The following TRHDE variants were observed in gnomAD, a reference collection of about 807,000 sequenced individuals.
The protein encoded by TRHDE is thyrotropin releasing hormone degrading enzyme, also known as thyrotropin-releasing hormone-degrading ectoenzyme.
In TRHDE, 72 loss-of-function variants were observed where a neutral mutation model predicts 125.7. The observed-to-expected ratio is 0.57, with a 90% CI of 0.47 to 0.70. The LOEUF (loss-of-function observed/expected upper bound fraction) is 0.70, where lower values mean the gene tolerates loss of function less well. Among genes scored for constraint, TRHDE ranks in the 30% least tolerant of loss-of-function variants. The pLI, the probability that TRHDE is intolerant of heterozygous loss-of-function variation, is 0.00. For synonymous variants in TRHDE, 509 were observed against 509.1 expected (o/e 1.00, Z 0.00); for missense variants, 1,110 against 1,327.1 (o/e 0.84, Z 2.54).
chr12:72,247,888 T>A (rs1878602897), intron 2 of TRHDE, among the ~76,000 whole-genome samples: 1 of 152,174 alleles, frequency 6.6e-6, no homozygotes, highest in Non-Finnish European at 1.5e-5. Flanking sequence ...TATGTATCTA[T>A]GTATTTATGT....
chr12:72,318,528 T>G (rs12811298), intron 2 of TRHDE, among the ~76,000 whole-genome samples: 53,077 of 151,930 alleles, frequency 0.35, 9,971 homozygotes, highest in Non-Finnish European at 0.43. Flanking sequence ...CCTTGGCCGG[T>G]GCTGATGTTC....
intron 3 of TRHDE, among the ~76,000 whole-genome samples, chr12:72,458,623 C>A (rs1299227443): frequency 6.6e-6 from 1 of 152,108 alleles, no homozygotes; most frequent in African/African-American, 2.4e-5. Context: ...GTAGATATCT[C>A]TATTTGGATG....
At chr12:72,388,173 T>TTCATTCAATGAAATG (rs1872505764) in intron 3 of TRHDE, among the ~76,000 whole-genome samples, 3 of 152,244 alleles carry the variant, frequency 2.0e-5, no homozygotes, top group African/African-American at 7.2e-5. Flanking sequence ...CTAAAACATT[T>TTCATTCAATGAAATG]TTCATTCAAA....
chr12:72,466,098 AG>A (rs1296628261), intron 3 of TRHDE, among the ~76,000 whole-genome samples: 1 of 152,152 alleles, frequency 6.6e-6, no homozygotes, highest in African/African-American at 2.4e-5. Flanking sequence ...GTATGTAACC[AG>A]CTGCCTGCTT....
chr12:72,194,814 A>G (rs1442945926), intron 2 of TRHDE, among the ~76,000 whole-genome samples: 3 of 152,088 alleles, frequency 2.0e-5, no homozygotes, highest in Admixed American at 2.0e-4. Flanking sequence ...TGTCTTTGCT[A>G]TTGTGAATAG....
chr12:72,224,692 C>T (rs1450602120), intron 2 of TRHDE, among the ~76,000 whole-genome samples: 1 of 152,048 alleles, frequency 6.6e-6, no homozygotes, highest in Non-Finnish European at 1.5e-5. Flanking sequence ...TAGCAATCAA[C>T]AAGCTATAAT....
chr12:72,504,978 T>C, intron 6 of TRHDE, among the ~76,000 whole-genome samples: 1 of 152,244 alleles, frequency 6.6e-6, no homozygotes. Flanking sequence ...CCCAGTTCTG[T>C]TTTTTGTTAT....
At chr12:72,624,862 A>G (rs1375045700) in intron 15 of TRHDE, among the ~76,000 whole-genome samples, 2 of 151,906 alleles carry the variant, frequency 1.3e-5, no homozygotes, top group African/African-American at 2.4e-5. Context: ...TGGAGATACA[A>G]TGCAAATGAT....
At chr12:72,596,528 G>A (rs182057272) in intron 12 of TRHDE, among the ~76,000 whole-genome samples, 2 of 152,116 alleles carry the variant, frequency 1.3e-5, no homozygotes, top group South Asian at 2.1e-4. Flanking sequence ...ATTGGTCTAA[G>A]GTATTTAATA....
intron 2 of TRHDE, among the ~76,000 whole-genome samples, chr12:72,141,109 G>A (rs1876101657): frequency 6.6e-6 from 1 of 152,036 alleles, no homozygotes; most frequent in Non-Finnish European, 1.5e-5. Context: ...CTACTTATAT[G>A]AAGATATAAG....
chr12:72,402,786 G>A (rs1458751049), intron 3 of TRHDE, among the ~76,000 whole-genome samples: 1 of 151,538 alleles, frequency 6.6e-6, no homozygotes, highest in Admixed American at 6.6e-5. Context: ...TTTTTCTGTA[G>A]GGCACAACTT....
intron 3 of TRHDE, among the ~76,000 whole-genome samples, chr12:72,412,696 A>T (rs1016287301): frequency 5.3e-5 from 8 of 152,126 alleles, no homozygotes; most frequent in Non-Finnish European, 8.8e-5. Context: ...CAGTCACATA[A>T]TGAACTAATA....
chr12:72,108,719 G>A (rs989732695), intron 2 of TRHDE, among the ~76,000 whole-genome samples: 3 of 151,804 alleles, frequency 2.0e-5, no homozygotes, highest in Admixed American at 6.6e-5. Context: ...TAGCATTTTC[G>A]CCCCTGAAAT....
chr12:72,142,782 C>T (rs1055650470), intron 2 of TRHDE, among the ~76,000 whole-genome samples: 11 of 151,970 alleles, frequency 7.2e-5, no homozygotes, highest in South Asian at 2.1e-4. Flanking sequence ...AACATCTGGA[C>T]GCCAAGAGGA....
intron 2 of TRHDE, among the ~76,000 whole-genome samples, chr12:72,124,103 C>G (rs1875657513): frequency 6.6e-6 from 1 of 152,114 alleles, no homozygotes; most frequent in African/African-American, 2.4e-5. Flanking sequence ...TACCAGGCAC[C>G]TCCTGTATTT....
At chr12:72,445,379 C>A (rs1053257077) in intron 3 of TRHDE, among the ~76,000 whole-genome samples, 1 of 151,838 alleles carries the variant, frequency 6.6e-6, no homozygotes, top group Non-Finnish European at 1.5e-5. Context: ...TACTCAAATG[C>A]CTCAGCCCTT....
intron 2 of TRHDE, among the ~76,000 whole-genome samples, chr12:72,170,988 C>T (rs1876860675): frequency 2.0e-5 from 3 of 152,140 alleles, no homozygotes; most frequent in African/African-American, 4.8e-5. Flanking sequence ...AGATAATACT[C>T]AACCAAGAAG....
intron 7 of TRHDE, among the ~76,000 whole-genome samples, chr12:72,557,361 G>A (rs1258357043): frequency 6.6e-6 from 1 of 152,134 alleles, no homozygotes; most frequent in African/African-American, 2.4e-5. Flanking sequence ...AGAAGAAAGT[G>A]GCTGCAGCTC....
At chr12:72,608,347 AC>A (rs1446365064) in intron 12 of TRHDE, among the ~76,000 whole-genome samples, 4 of 152,194 alleles carry the variant, frequency 2.6e-5, no homozygotes, top group African/African-American at 9.6e-5. Context: ...AATTAAAGAT[AC>A]TTTATATCAT....
Sources: gnomAD v4.1 joint callset for allele counts (sites outside exome capture counted in the v4.1 genomes callset) on GRCh38, gnomAD v4.1.1 for gene constraint, MANE v1.5 for transcripts, NCBI Gene and HGNC (gene_info 2026-07-23, HGNC 2026-07-21) for gene names.